The following PCED1B variants were observed in gnomAD, a reference collection of about 807,000 sequenced individuals.
The protein encoded by PCED1B is PC-esterase domain containing 1B, also known as PC-esterase domain-containing protein 1B.
For synonymous variants in PCED1B, 251 were observed against 246.1 expected (o/e 1.02, Z -0.19); for missense variants, 573 against 573.9 (o/e 1.00, Z 0.02).
intron 3 of PCED1B, among the ~76,000 whole-genome samples, chr12:47,230,912 TACAA>T (rs1000211233): frequency 1.3e-5 from 2 of 152,230 alleles, no homozygotes; most frequent in African/African-American, 4.8e-5. Context: ...TAGGCATTAT[TACAA>T]ACAGTTTACG....
intron 2 of PCED1B, among the ~76,000 whole-genome samples, chr12:47,134,527 G>T (rs946477962): frequency 1.3e-5 from 2 of 152,118 alleles, no homozygotes; most frequent in Admixed American, 1.3e-4. Flanking sequence ...CTCCCCACCT[G>T]CATTGACCCC....
intron 2 of PCED1B, among the ~76,000 whole-genome samples, chr12:47,213,318 A>T (rs1230240641): frequency 6.6e-6 from 1 of 152,230 alleles, no homozygotes; most frequent in Non-Finnish European, 1.5e-5. Context: ...GAGTGCTTTG[A>T]AGAGAAATTA....
chr12:47,224,551 T>A (rs1943578054), intron 3 of PCED1B, among the ~76,000 whole-genome samples: 2 of 152,230 alleles, frequency 1.3e-5, no homozygotes. Context: ...CCACAGTGAT[T>A]CCTTCCTCCA....
At chr12:47,157,093 A>C (rs894259042) in intron 2 of PCED1B, among the ~76,000 whole-genome samples, 1 of 152,134 alleles carries the variant, frequency 6.6e-6, no homozygotes, top group Non-Finnish European at 1.5e-5. Flanking sequence ...CCTAACAAAC[A>C]TCAGGTACAC....
chr12:47,150,808 A>G (rs571494648), intron 2 of PCED1B, among the ~76,000 whole-genome samples: 3 of 152,008 alleles, frequency 2.0e-5, no homozygotes, highest in African/African-American at 4.8e-5. Flanking sequence ...TGGTAAGGAG[A>G]TGGGGCTAGA....
intron 2 of PCED1B, among the ~76,000 whole-genome samples, chr12:47,110,379 G>C (rs1249963695): frequency 2.8e-5 from 1 of 35,478 alleles, no homozygotes; most frequent in East Asian, 2.0e-3. Context: ...TAATTTTTAC[G>C]CAATCCATAG....
rs1565755168 is a variant in PCED1B at position 47,113,961 on chromosome 12, A to AC, written c.-526+9766_-526+9767insC. 4.1e-3 allele frequency among the ~76,000 whole-genome samples: 356 copies of AC among 87,526 alleles called. 2 individuals are homozygous for AC. Among genetic ancestry groups the AC allele is most frequent in the Middle Eastern group, 0.021 (4 of 190 alleles). 57.4% of individuals were successfully genotyped at this position (87,526 alleles called of 152,430 possible). A position where few individuals can be genotyped will look rare whatever the true frequency, so the allele number is the denominator to read the frequency against. On this transcript the variant is annotated intron_variant, in intron 2 of 3. Coordinates refer to ENST00000546455, the MANE Select transcript of PCED1B (RefSeq NM_138371.3). ...GCATGACTCCATCTAAAAAAGAAAA[A>AC]AAAAACACACACACACACACACATA... is the stretch of plus-strand genomic sequence containing the variant.
intron 2 of PCED1B, among the ~76,000 whole-genome samples, chr12:47,130,248 A>G (rs1940069085): frequency 6.6e-6 from 1 of 152,166 alleles, no homozygotes; most frequent in Non-Finnish European, 1.5e-5. Flanking sequence ...ATTTTACACA[A>G]TTTTTTGTAA....
chr12:47,086,563 T>A (rs1321221646), intron 1 of PCED1B, among the ~76,000 whole-genome samples: 1 of 152,206 alleles, frequency 6.6e-6, no homozygotes, highest in South Asian at 2.1e-4. Flanking sequence ...TCTTTTTAAA[T>A]ACTTTAACAT....
intron 2 of PCED1B, among the ~76,000 whole-genome samples, chr12:47,148,464 T>C (rs146872237): frequency 5.3e-5 from 8 of 152,094 alleles, no homozygotes; most frequent in Non-Finnish European, 4.4e-5. Context: ...GGGCTAGCTA[T>C]AGGGCAGGAA....
intron 3 of PCED1B, among the ~76,000 whole-genome samples, chr12:47,218,476 A>G (rs886712796): frequency 6.6e-6 from 1 of 152,132 alleles, no homozygotes; most frequent in East Asian, 1.9e-4. Flanking sequence ...ATCCTCTACA[A>G]CATAGTGTGA....
intron 2 of PCED1B, among the ~76,000 whole-genome samples, chr12:47,187,542 G>A (rs539844263): frequency 1.3e-5 from 2 of 152,150 alleles, no homozygotes; most frequent in Admixed American, 6.5e-5. Context: ...CAGTGAAAGT[G>A]TAAACAGTTA....
At chr12:47,097,722 C>G (rs183240845) in intron 1 of PCED1B, among the ~76,000 whole-genome samples, 1 of 152,240 alleles carries the variant, frequency 6.6e-6, no homozygotes, top group African/African-American at 2.4e-5. Flanking sequence ...GGAGGCTATA[C>G]GACTCTTCTG....
At position 47,205,745 on chromosome 12, in the gene PCED1B, G is replaced by A. The variant is rs1315741976; in HGVS notation, c.-525-10477G>A. Among the ~76,000 whole-genome samples the A allele has an allele frequency of 2.0e-5, 3 of 151,622 alleles. No individual in the cohort carries two copies. The East Asian group carries it at 5.8e-4, about 29-fold the overall frequency. On this transcript the variant is annotated intron_variant, in intron 2 of 3. Transcript: ENST00000546455. ...GGAGAAGAGGAGGGAGGAAAAGAGG[G>A]AGAGAGAGAGGAAGGAAGGAAGGAA...
At chr12:47,101,877 C>T (rs975372612) in intron 1 of PCED1B, among the ~76,000 whole-genome samples, 5 of 151,484 alleles carry the variant, frequency 3.3e-5, no homozygotes, top group Admixed American at 6.6e-5. Flanking sequence ...ACCCAGGAGG[C>T]GGAGGTTGCA....
At chr12:47,134,017 G>A (rs960076428) in intron 2 of PCED1B, among the ~76,000 whole-genome samples, 21 of 152,118 alleles carry the variant, frequency 1.4e-4, no homozygotes, top group Non-Finnish European at 2.4e-4. Context: ...TTGGGCTTCC[G>A]GAACTGTAAT....
intron 2 of PCED1B, chr12:47,209,620 T>C (rs1943017248): frequency 6.6e-6 from 1 of 152,260 alleles, no homozygotes; most frequent in African/African-American, 2.4e-5. Flanking sequence ...CTTGGAATAG[T>C]ATACTCAGTA....
chr12:47,085,818 G>A (rs1014166560), intron 1 of PCED1B, among the ~76,000 whole-genome samples: 1 of 152,102 alleles, frequency 6.6e-6, no homozygotes, highest in Non-Finnish European at 1.5e-5. Flanking sequence ...AAACTTAATA[G>A]TTTTTAAAGT....
At chr12:47,214,034 A>AT (rs1943173675) in intron 2 of PCED1B, among the ~76,000 whole-genome samples, 1 of 152,230 alleles carries the variant, frequency 6.6e-6, no homozygotes, top group Admixed American at 6.5e-5. Context: ...CATTTATAGA[A>AT]TTGCTAGAAC....
Sources: gnomAD v4.1 joint callset for allele counts (sites outside exome capture counted in the v4.1 genomes callset) on GRCh38, gnomAD v4.1.1 for gene constraint, MANE v1.5 for transcripts, NCBI Gene and HGNC (gene_info 2026-07-23, HGNC 2026-07-21) for gene names.